PXDN: variants seen among roughly 807,000 people sequenced by gnomAD.
PXDN encodes the protein peroxidasin.
Under a neutral mutation model 140.3 loss-of-function variants are expected in PXDN, and 77 were observed. That is an observed-to-expected ratio of 0.55 (90% CI 0.46 to 0.66). The LOEUF is 0.66. Ranked by LOEUF, PXDN falls within the 30% of genes least tolerant of loss-of-function variation. The probability of loss-of-function intolerance (pLI) is 0.00; values close to 1 mark genes in which losing one functional copy is unlikely to be tolerated. For synonymous variants in PXDN, 911 were observed against 857.4 expected (o/e 1.06, Z -1.09); for missense variants, 1,838 against 2,039.5 (o/e 0.90, Z 1.90).
rs528931086 is a variant in PXDN at position 1,660,192 on chromosome 2, G to C, written c.1837+689C>G. ...CACCCTGGTGGCCACAGGAGACATG[G>C]AGAAGGGTCAGGGACACATCATGGG... is the stretch of plus-strand genomic sequence containing the variant. On this transcript the variant is annotated intron_variant, in intron 14 of 22. Transcript: ENST00000252804. This position sits in a 1 kb window ranked among gnomAD's most constrained non-coding sequence, Gnocchi z 4.6. 1.3e-5 allele frequency among the ~76,000 whole-genome samples: 2 copies of C among 152,184 alleles called. No homozygotes were observed. The highest frequency in any genetic ancestry group is 2.9e-5 in the Non-Finnish European group (2 of 68,026).
At chr2:1,713,925 C>T (rs1239976679) in intron 1 of PXDN, among the ~76,000 whole-genome samples, 1 of 152,204 alleles carries the variant, frequency 6.6e-6, no homozygotes. Flanking sequence ...GGAAGGAGCT[C>T]CCAGAGCCAG....
At position 1,648,621 on chromosome 2, in the gene PXDN, G is replaced by A. The variant is rs773257713; in HGVS notation, c.3159C>T (p.Tyr1053=). Residue 1053 remains tyrosine, a synonymous_variant, in exon 17 of 23, where the codon TAC becomes TAT. Coordinates refer to ENST00000252804, the MANE Select transcript of PXDN (RefSeq NM_012293.3). This position sits in a 1 kb window ranked among gnomAD's most constrained non-coding sequence, Gnocchi z 8.9. The part of the protein sequence containing the change: ...GMRTLGEYHG[Y]DPGINAGIFN... ...AGATGCCAGCATTGATGCCGGGGTC[G>A]TAGCCGTGGTACTCTCCCAGCGTCC... 2.0e-5 allele frequency: 32 copies of A among 1,611,604 alleles called. No homozygotes were observed. In the South Asian group the frequency reaches 2.1e-4, roughly 11 times the overall value.
At chr2:1,675,721 C>T (rs896020901) in intron 8 of PXDN, among the ~76,000 whole-genome samples, 10 of 149,272 alleles carry the variant, frequency 6.7e-5, no homozygotes, top group South Asian at 2.1e-4. Context: ...CCACCTTGCC[C>T]GAGAGCCAAG....
intron 1 of PXDN, among the ~76,000 whole-genome samples, chr2:1,698,790 G>A (rs1032193961): frequency 6.6e-6 from 1 of 152,090 alleles, no homozygotes; most frequent in South Asian, 2.1e-4. Flanking sequence ...AGGGAACGTC[G>A]ACGCCAACAC....
Position 1,663,635 on chromosome 2 carries a change from C to T in PXDN, c.1537G>A (p.Val513Ile), listed in dbSNP as rs1285235806. ...GGCTGCACAGTCAGGTGGGCCACGA[C>T]CTTCTGGGAGCCGATGATGTTGACA... The part of the protein sequence containing the change: ...QAVNIIGSQK[V>I]VAHLTVQPRV... The change falls in exon 12 of 23, where the codon GTC (valine) becomes ATC (isoleucine). Residue 513 changes from valine to isoleucine, a missense_variant. Coordinates refer to ENST00000252804, the MANE Select transcript of PXDN (RefSeq NM_012293.3). 1.2e-6 allele frequency: 2 copies of T among 1,614,042 alleles called. No homozygotes were observed. Among genetic ancestry groups the T allele is most frequent in the Admixed American group, 3.3e-5 (2 of 60,032 alleles).
intron 17 of PXDN, chr2:1,645,962 A>G (rs1682841981): frequency 6.6e-6 from 1 of 152,294 alleles, no homozygotes; most frequent in South Asian, 2.1e-4. Context: ...AGCTTCCTCC[A>G]GGGAAGAGAC....
chr2:1,656,173 C>T (rs930526773), intron 14 of PXDN, among the ~76,000 whole-genome samples: 1 of 152,062 alleles, frequency 6.6e-6, no homozygotes, highest in Non-Finnish European at 1.5e-5. Context: ...GAAACACACA[C>T]ACACAGAATC....
chr2:1,725,473 C>T (rs1329686004), intron 1 of PXDN, among the ~76,000 whole-genome samples: 1 of 151,614 alleles, frequency 6.6e-6, no homozygotes, highest in African/African-American at 2.4e-5. Context: ...CCATAAAAAC[C>T]CTAGAAGAAA....
chr2:1,636,694 G>A (rs12714343), intron 21 of PXDN: 26,833 of 140,932 alleles, frequency 0.19, 2,935 homozygotes, highest in African/African-American at 0.25. Flanking sequence ...AACCATGGGG[G>A]AAAAAAAAAA....
At chr2:1,658,831 C>G (rs914187533) in intron 14 of PXDN, among the ~76,000 whole-genome samples, 3 of 150,482 alleles carry the variant, frequency 2.0e-5, no homozygotes, top group Non-Finnish European at 4.4e-5. Flanking sequence ...CCTGCCACCC[C>G]CCATCTCCCC....
intron 7 of PXDN, among the ~76,000 whole-genome samples, chr2:1,679,963 C>T (rs1358353924): frequency 4.0e-5 from 4 of 98,834 alleles, no homozygotes; most frequent in Non-Finnish European, 6.0e-5. Flanking sequence ...TTTGTGTCTA[C>T]GTGTGTGTCT....
chr2:1,741,223 A>T (rs1428562187), intron 1 of PXDN, among the ~76,000 whole-genome samples: 1 of 152,174 alleles, frequency 6.6e-6, no homozygotes, highest in Non-Finnish European at 1.5e-5. Context: ...AGAGGAGGAA[A>T]GGAAGGGGCG....
At chr2:1,635,002 G>A (rs561412946) in intron 22 of PXDN, among the ~76,000 whole-genome samples, 1 of 152,312 alleles carries the variant, frequency 6.6e-6, no homozygotes, top group South Asian at 2.1e-4. Flanking sequence ...ACTGGAGATG[G>A]GACAGGGCCA....
chr2:1,681,841 T>A (rs529455071), intron 6 of PXDN, among the ~76,000 whole-genome samples: 12 of 152,332 alleles, frequency 7.9e-5, no homozygotes, highest in South Asian at 2.1e-4. Context: ...TCGGTCCTGG[T>A]GGAGCGAGCT....
intron 1 of PXDN, among the ~76,000 whole-genome samples, chr2:1,731,847 A>C (rs2125490801): frequency 6.6e-6 from 1 of 152,306 alleles, no homozygotes; most frequent in East Asian, 1.9e-4. Context: ...TCAGGACACC[A>C]ACTAAAGCCG....
rs573414415 is a variant in PXDN at position 1,714,462 on chromosome 2, T to C, written c.201-21328A>G. On this transcript the variant is annotated intron_variant, in intron 1 of 22. Coordinates refer to ENST00000252804, the MANE Select transcript of PXDN (RefSeq NM_012293.3). The surrounding 1 kb of genome is among the most constrained non-coding windows in gnomAD (Gnocchi z 4.3). The stretch of plus-strand genomic sequence containing the variant: ...CTTCCTAGAACTTCCAACCCCTTCC[T>C]CATCACCACCAATCCTCGCCCAGCA... Among the ~76,000 whole-genome samples, 6 of 152,196 alleles carry C rather than the reference T, an allele frequency of 3.9e-5. No individual in the cohort carries two copies. In the South Asian group the frequency reaches 1.0e-3, roughly 26 times the overall value.
intron 16 of PXDN, among the ~76,000 whole-genome samples, chr2:1,652,706 A>T (rs879752665): frequency 1.3e-5 from 2 of 151,944 alleles, no homozygotes; most frequent in Non-Finnish European, 2.9e-5. Flanking sequence ...GGGCTCCAAA[A>T]CCTAACAGGA....
rs1553362151 is a variant in PXDN, at chr2:1,671,406, A to AT, written c.1018+2236dup. On this transcript the variant is annotated intron_variant, in intron 9 of 22. Transcript: ENST00000252804. ...GGATTAACTTTAAGAAAAACTTAGG[A>AT]TTTTTTTTTTAAATTTCTAGCTCTA... Among the ~76,000 whole-genome samples the AT allele has an allele frequency of 1.3e-3, 189 of 151,052 alleles. 2 individuals carry two copies. Among genetic ancestry groups the AT allele is most frequent in the African/African-American group, 4.1e-3 (169 of 41,192 alleles).
intron 17 of PXDN, chr2:1,646,121 G>A (rs1682845307): frequency 6.6e-6 from 1 of 152,274 alleles, no homozygotes; most frequent in Non-Finnish European, 1.5e-5. Context: ...CAACCCCTCT[G>A]CCCTGTGAAG....
Sources: gnomAD v4.1 joint callset for allele counts (sites outside exome capture counted in the v4.1 genomes callset) on GRCh38, gnomAD v4.1.1 for gene constraint, Gnocchi (gnomAD v3.1) non-coding constraint, MANE v1.5 for transcripts, NCBI Gene and HGNC (gene_info 2026-07-23, HGNC 2026-07-21) for gene names.